Variants in NRXN1 observed in about 807,000 individuals in gnomAD.
The protein encoded by NRXN1 is neurexin-1.
A neutral mutation model predicts 150.9 loss-of-function variants in NRXN1; 39 were observed. The ratio of observed to expected loss-of-function variants is 0.26; its 90% CI spans 0.20 to 0.34. The LOEUF (loss-of-function observed/expected upper bound fraction) is 0.34. NRXN1 is among the 10% of genes least tolerant of loss of function. The pLI, the probability that NRXN1 is intolerant of heterozygous loss-of-function variation, is 1.00. For synonymous variants in NRXN1, 924 were observed against 757.0 expected, an observed-to-expected ratio of 1.22 and a Z score of -3.62; for missense variants, 1,815 against 1,949.9, an observed-to-expected ratio of 0.93 and a Z score of 1.30.
intron 21 of NRXN1, among the ~76,000 whole-genome samples, chr2:49,948,220 C>T (rs1673302828): frequency 2.6e-5 from 4 of 152,026 alleles, no homozygotes; most frequent in Admixed American, 2.6e-4. Context: ...ATTATTTACG[C>T]AATACAAGTT....
At chr2:50,155,433 A>T (rs958384967) in intron 18 of NRXN1, among the ~76,000 whole-genome samples, 2 of 151,556 alleles carry the variant, frequency 1.3e-5, no homozygotes, top group African/African-American at 4.8e-5. Flanking sequence ...AATTAAGAAA[A>T]AAAAAAAGAA....
At chr2:50,597,879 C>T (rs1255131763) in intron 8 of NRXN1, among the ~76,000 whole-genome samples, 1 of 152,306 alleles carries the variant, frequency 6.6e-6, no homozygotes, top group Non-Finnish European at 1.5e-5. Context: ...TGGCTCACGG[C>T]TGTAATCCCA....
At chr2:50,981,826 TG>T (rs1696869368) in intron 2 of NRXN1, among the ~76,000 whole-genome samples, 1 of 146,586 alleles carries the variant, frequency 6.8e-6, no homozygotes, top group East Asian at 2.0e-4. Flanking sequence ...ACAATGTGTG[TG>T]TGTGTGTGTG....
intron 17 of NRXN1, among the ~76,000 whole-genome samples, chr2:50,296,537 C>CATA (rs2073592841): frequency 7.0e-5 from 2 of 28,572 alleles, no homozygotes; most frequent in African/African-American, 2.6e-4. Context: ...TTATTATTAT[C>CATA]ATTATTATTA....
chr2:50,729,140 C>G (rs754633788), intron 5 of NRXN1, among the ~76,000 whole-genome samples: 2 of 152,056 alleles, frequency 1.3e-5, no homozygotes, highest in Non-Finnish European at 2.9e-5. Flanking sequence ...AAGTTGCATT[C>G]TTATATTCTA....
intron 18 of NRXN1, among the ~76,000 whole-genome samples, chr2:50,162,188 C>G (rs2059404322): frequency 6.6e-6 from 1 of 152,030 alleles, no homozygotes; most frequent in Admixed American, 6.6e-5. Flanking sequence ...TGAAACTGAT[C>G]TATCATTCAG....
At chr2:50,014,312 A>C (rs1251487637) in intron 21 of NRXN1, among the ~76,000 whole-genome samples, 1 of 152,114 alleles carries the variant, frequency 6.6e-6, no homozygotes, top group Non-Finnish European at 1.5e-5. Flanking sequence ...GTTAGCACCC[A>C]CTAAGTGCTT....
At chr2:50,368,918 C>G (rs1442038954) in intron 17 of NRXN1, among the ~76,000 whole-genome samples, 3 of 151,900 alleles carry the variant, frequency 2.0e-5, no homozygotes, top group Non-Finnish European at 4.4e-5. Context: ...CTGAACATTT[C>G]TTTAGATAAA....
At chr2:50,626,501 A>G (rs2104341312) in intron 5 of NRXN1, among the ~76,000 whole-genome samples, 1 of 152,106 alleles carries the variant, frequency 6.6e-6, no homozygotes, top group East Asian at 1.9e-4. Context: ...TACACTGTCA[A>G]GCATTTCAGA....
chr2:50,567,212 T>A (rs1163159873), intron 8 of NRXN1, among the ~76,000 whole-genome samples: 3 of 152,174 alleles, frequency 2.0e-5, no homozygotes, highest in African/African-American at 7.2e-5. Context: ...ATTTTCTAAG[T>A]TGCCTTGTAA....
intron 15 of NRXN1, among the ~76,000 whole-genome samples, chr2:50,476,553 T>C (rs994734141): frequency 1.6e-4 from 4 of 24,726 alleles, no homozygotes; most frequent in Non-Finnish European, 9.2e-5. Context: ...TTGATACTGG[T>C]ATGGCTGTCA....
intron 8 of NRXN1, among the ~76,000 whole-genome samples, chr2:50,590,904 C>T (rs1674070468): frequency 1.3e-5 from 2 of 152,170 alleles, no homozygotes; most frequent in East Asian, 1.9e-4. Flanking sequence ...ACTCTAAATA[C>T]TCTCAGCAAT....
At chr2:50,847,175 G>A (rs1317770582) in intron 5 of NRXN1, among the ~76,000 whole-genome samples, 2 of 152,160 alleles carry the variant, frequency 1.3e-5, no homozygotes, top group African/African-American at 4.8e-5. Flanking sequence ...TGCTTCAAGA[G>A]ACAAGGGAAG....
chr2:50,598,667 CATAT>C (rs1491291977), intron 8 of NRXN1, among the ~76,000 whole-genome samples: 1 of 143,116 alleles, frequency 7.0e-6, no homozygotes, highest in South Asian at 2.2e-4. Flanking sequence ...CATATATATT[CATAT>C]ATATGTGTAT....
intron 19 of NRXN1, among the ~76,000 whole-genome samples, chr2:50,063,148 A>C (rs1197680993): frequency 1.3e-5 from 2 of 152,160 alleles, no homozygotes; most frequent in African/African-American, 4.8e-5. Flanking sequence ...ATAATCACAT[A>C]ATTTTCAACT....
chr2:50,732,185 T>A (rs551526775), intron 5 of NRXN1, among the ~76,000 whole-genome samples: 47 of 152,144 alleles, frequency 3.1e-4, no homozygotes, highest in Non-Finnish European at 4.1e-4. Context: ...TATTTTTACA[T>A]GCATGTGCCT....
chr2:50,112,385 C>A lies in NRXN1; in HGVS notation c.3547-20891G>T, dbSNP rs984578763. 2.0e-5 allele frequency among the ~76,000 whole-genome samples: 3 copies of A among 152,302 alleles called. No individual in the cohort carries two copies. The East Asian group carries it at 5.8e-4, about 29-fold the overall frequency. ...AGGTTTCTCTCTTCATCTGTCATTA[C>A]ACCATCTTACTGAAGCTGGTCCCTT... On this transcript the variant is annotated intron_variant, in intron 18 of 22. Transcript: ENST00000401669.
At chr2:50,176,500 G>A (rs928739276) in intron 18 of NRXN1, among the ~76,000 whole-genome samples, 4 of 152,002 alleles carry the variant, frequency 2.6e-5, no homozygotes, top group Admixed American at 6.6e-5. Flanking sequence ...CTCTCCAACC[G>A]AGTGGTGACA....
intron 5 of NRXN1, among the ~76,000 whole-genome samples, chr2:50,757,391 C>T (rs767834285): frequency 2.0e-5 from 3 of 151,692 alleles, no homozygotes; most frequent in Non-Finnish European, 2.9e-5. Flanking sequence ...CAGAGAAGCA[C>T]TGGCATGAGT....
Sources: gnomAD v4.1 joint callset for allele counts (sites outside exome capture counted in the v4.1 genomes callset) on GRCh38, gnomAD v4.1.1 for gene constraint, MANE v1.5 for transcripts, NCBI Gene and HGNC (gene_info 2026-07-23, HGNC 2026-07-21) for gene names.